KALRN: variants seen among roughly 807,000 people sequenced by gnomAD.
KALRN encodes kalirin RhoGEF kinase, also known as kalirin.
Under a neutral mutation model 353.7 loss-of-function variants are expected in KALRN, and 70 were observed. The observed-to-expected ratio is 0.20, with a 90% confidence interval of 0.16 to 0.24. The LOEUF is 0.24. KALRN is among the 10% of genes least tolerant of loss of function. The pLI is 1.00. For missense variants in KALRN, 2,791 were observed against 3,756.7 expected (o/e 0.74, Z 6.72); for synonymous variants, 1,391 against 1,434.8 (o/e 0.97, Z 0.69).
At chr3:124,242,310 A>T (rs941659452) in intron 3 of KALRN, among the ~76,000 whole-genome samples, 1 of 152,228 alleles carries the variant, frequency 6.6e-6, no homozygotes, top group Non-Finnish European at 1.5e-5. Context: ...CAACACTTTG[A>T]GAGGGGAATT....
Position 124,292,781 on chromosome 3 carries a change from T to C in KALRN, c.970-6010T>C, listed in dbSNP as rs182101514. 5.6e-4 allele frequency among the ~76,000 whole-genome samples: 85 copies of C among 152,362 alleles called. 1 individual carries two copies. In the East Asian group the frequency reaches 0.013, roughly 24 times the overall value. ...CTATAATGAAAACATTTAGGAAATA[T>C]GTGCAATAGAATATATGCTCATATG... On this transcript the variant is annotated intron_variant, in intron 5 of 59. Coordinates refer to ENST00000682506, the MANE Select transcript of KALRN (RefSeq NM_001388419.1).
intron 34 of KALRN, among the ~76,000 whole-genome samples, chr3:124,631,266 C>G (rs2149815984): frequency 6.6e-6 from 1 of 152,298 alleles, no homozygotes; most frequent in African/African-American, 2.4e-5. Flanking sequence ...GCTTCCAACC[C>G]CATCTCTCCT....
At chr3:124,394,309 C>T (rs2089881729) in intron 11 of KALRN, among the ~76,000 whole-genome samples, 1 of 152,214 alleles carries the variant, frequency 6.6e-6, no homozygotes, top group Non-Finnish European at 1.5e-5. Context: ...CCAGACTCAT[C>T]TTCCCCTCTC....
At chr3:124,482,487 C>T (rs564490019) in intron 27 of KALRN, among the ~76,000 whole-genome samples, 1 of 151,840 alleles carries the variant, frequency 6.6e-6, no homozygotes, top group South Asian at 2.1e-4. Flanking sequence ...TCTCCTTACC[C>T]TCCGCTCTGT....
chr3:124,094,268 T>C (rs2061294762), intron 1 of KALRN: 1 of 159,562 alleles, frequency 6.3e-6, no homozygotes, highest in Non-Finnish European at 1.4e-5. Flanking sequence ...TCTGTGGCCT[T>C]TTACCAGTCA....
chr3:124,610,544 C>A (rs936299402), intron 34 of KALRN, among the ~76,000 whole-genome samples: 6 of 151,990 alleles, frequency 3.9e-5, no homozygotes, highest in African/African-American at 1.5e-4. Context: ...AAAATGAAAG[C>A]TTGATAAAGA....
At chr3:124,155,427 T>C (rs1014375421) in intron 1 of KALRN, among the ~76,000 whole-genome samples, 57 of 152,226 alleles carry the variant, frequency 3.7e-4, no homozygotes, top group Non-Finnish European at 7.9e-4. Context: ...TTGATTGTAC[T>C]AAGTAAGTGG....
At chr3:124,247,310 A>G (rs976237167) in intron 3 of KALRN, among the ~76,000 whole-genome samples, 2 of 152,192 alleles carry the variant, frequency 1.3e-5, no homozygotes, top group African/African-American at 4.8e-5. Context: ...ACTGTTTAAA[A>G]TTTTATTGAA....
intron 42 of KALRN, 112 bp downstream of exon 42, chr3:124,658,629 G>A (rs1382997896): frequency 2.8e-5 from 22 of 786,918 alleles, no homozygotes; most frequent in Admixed American, 9.9e-5. Flanking sequence ...ACACAGCACC[G>A]TTGACCCATT....
intron 1 of KALRN, among the ~76,000 whole-genome samples, chr3:124,090,704 G>C (rs2061066079): frequency 6.6e-6 from 1 of 152,204 alleles, no homozygotes; most frequent in Non-Finnish European, 1.5e-5. Flanking sequence ...ACACGAAGCT[G>C]GTGCTGAGGG....
rs78141278 is a variant in KALRN, at chr3:124,637,231, G to T, written c.5592G>T (p.Arg1864=). The change falls in exon 37 of 60, where the codon CGG becomes CGT. Residue 1864 remains arginine (R), a synonymous_variant. Coordinates refer to ENST00000682506, the MANE Select transcript of KALRN (RefSeq NM_001388419.1). ...AGTCCTCCTCTTTGCTAGCAGCCCG[G>T]CAGGCTTCCACTGAAGTACCTACTG... ...DEMSSSLLAA[R]QASTEVPTAA... 6.2e-6 allele frequency: 10 copies of T among 1,614,004 alleles called. No homozygotes were observed. The highest frequency in any genetic ancestry group is 8.5e-6 in the Non-Finnish European group (10 of 1,179,982).
chr3:124,591,195 C>G (rs2713660), intron 34 of KALRN, among the ~76,000 whole-genome samples: 19,584 of 152,144 alleles, frequency 0.13, 2,846 homozygotes, highest in East Asian at 0.42. Flanking sequence ...TCACATCTCT[C>G]TCTCCCAGAG....
At chr3:124,676,101 T>C (rs2087151425) in intron 49 of KALRN, among the ~76,000 whole-genome samples, 1 of 152,224 alleles carries the variant, frequency 6.6e-6, no homozygotes, top group African/African-American at 2.4e-5. Flanking sequence ...CTTGCAGAGC[T>C]AACTCTTAAT....
At chr3:124,389,668 C>T (rs978432358) in intron 11 of KALRN, among the ~76,000 whole-genome samples, 3 of 151,986 alleles carry the variant, frequency 2.0e-5, no homozygotes, top group Non-Finnish European at 2.9e-5. Context: ...ATCACATTGC[C>T]GAAGATTATT....
intron 1 of KALRN, among the ~76,000 whole-genome samples, chr3:124,082,877 A>G (rs146339668): frequency 7.2e-5 from 11 of 152,376 alleles, no homozygotes; most frequent in African/African-American, 2.6e-4. Flanking sequence ...ACATGCAGGC[A>G]TGATAAACAG....
chr3:124,148,721 A>G (rs2067691969), intron 1 of KALRN, among the ~76,000 whole-genome samples: 1 of 152,148 alleles, frequency 6.6e-6, no homozygotes, highest in Non-Finnish European at 1.5e-5. Flanking sequence ...TTCAGGTGAA[A>G]AAGGAAAAAA....
chr3:124,711,219 A>G (rs530655278), intron 57 of KALRN, among the ~76,000 whole-genome samples: 14 of 152,182 alleles, frequency 9.2e-5, no homozygotes, highest in Non-Finnish European at 1.9e-4. Context: ...AAAGGATCTC[A>G]CTATGTTGTC....
Position 124,659,436 on chromosome 3 carries a change from A to T in KALRN, c.6195A>T (p.Thr2065=). The T allele has an allele frequency of 6.2e-7, 1 of 1,613,018 alleles. No individual in the cohort carries two copies. Among genetic ancestry groups the T allele is most frequent in the Non-Finnish European group, 8.5e-7 (1 of 1,179,002 alleles). The change falls in exon 43 of 60, where the codon ACA becomes ACT. Residue 2065 remains threonine, a synonymous_variant. Coordinates refer to ENST00000682506, the MANE Select transcript of KALRN (RefSeq NM_001388419.1). ...DFLIKPIQRI[T]KYQLLLKDFL... is the part of the protein sequence containing the mutation. The stretch of plus-strand genomic sequence containing the variant: ...TCATCAAGCCCATTCAGAGAATAAC[A>T]AAATACCAGTTGCTCCTCAAGGTAA...
At chr3:124,493,850 T>A (rs982136257) in intron 32 of KALRN, among the ~76,000 whole-genome samples, 1 of 152,228 alleles carries the variant, frequency 6.6e-6, no homozygotes, top group African/African-American at 2.4e-5. Flanking sequence ...GTTCACCTCC[T>A]CAGTGCTGCA....
Sources: allele counts gnomAD v4.1 joint callset (sites outside exome capture counted in the v4.1 genomes callset), GRCh38; gene constraint gnomAD v4.1.1; transcripts MANE v1.5; gene names NCBI Gene and HGNC (gene_info 2026-07-23, HGNC 2026-07-21).